Variants in LMO1 observed in about 807,000 individuals in gnomAD.
LMO1 encodes the protein LIM domain only 1.
In LMO1, 10 loss-of-function variants were observed where a neutral mutation model predicts 18.0. The observed-to-expected ratio is 0.55, with a 90% CI of 0.34 to 0.94. The LOEUF (loss-of-function observed/expected upper bound fraction) is 0.94, where lower values mean the gene tolerates loss of function less well. LMO1 is among the 40% of genes least tolerant of loss of function. The probability of loss-of-function intolerance (pLI) is 0.02; values close to 1 mark genes in which losing one functional copy is unlikely to be tolerated. For missense variants in LMO1, 183 were observed against 205.7 expected, an observed-to-expected ratio of 0.89 and a Z score of 0.68; for synonymous variants, 77 against 77.9, an observed-to-expected ratio of 0.99 and a Z score of 0.06.
intron 1 of LMO1, among the ~76,000 whole-genome samples, chr11:8,252,831 C>T (rs1029600935): frequency 1.3e-5 from 2 of 152,346 alleles, no homozygotes; most frequent in Middle Eastern, 6.8e-3. Context: ...GAGCAGAGAA[C>T]CAAGTAAAGA....
intron 1 of LMO1, among the ~76,000 whole-genome samples, chr11:8,238,287 T>C (rs1459685891): frequency 6.6e-6 from 1 of 152,226 alleles, no homozygotes; most frequent in Non-Finnish European, 1.5e-5. Flanking sequence ...TAATATTGAA[T>C]GAAAGAAGCT....
At chr11:8,227,902 C>T (rs775557671) in intron 2 of LMO1, among the ~76,000 whole-genome samples, 10 of 152,228 alleles carry the variant, frequency 6.6e-5, no homozygotes, top group Non-Finnish European at 1.5e-4. Context: ...CTCCTGGCCT[C>T]AACTGATCCT....
At chr11:8,238,880 T>G (rs78055504) in intron 1 of LMO1, among the ~76,000 whole-genome samples, 3,769 of 152,216 alleles carry the variant, frequency 0.025, 163 homozygotes, top group African/African-American at 0.086. Flanking sequence ...ATACCCAATT[T>G]AAAAACGGAG....
rs990138798 is a variant in LMO1 at position 8,224,483 on chromosome 11, C to T, written c.*133G>A. 48 of 629,410 alleles carry T rather than the reference C, an allele frequency of 7.6e-5. No homozygotes were observed. The highest frequency in any genetic ancestry group is 1.2e-4 in the Non-Finnish European group (44 of 353,100). The allele number at this position is 629,410 out of a possible 1,614,324, so 39.0% of individuals were successfully genotyped here. A position where few individuals can be genotyped will look rare whatever the true frequency, so the allele number is the denominator to read the frequency against. The stretch of plus-strand genomic sequence containing the variant: ...GAGGAGGAAGGGCCATCCCTCCCAT[C>T]GAGGACGGAGAAGTTCTAATGTGGC... On this transcript the variant is annotated 3_prime_UTR_variant, in exon 4 of 4. Transcript: ENST00000335790.
chr11:8,253,356 C>T (rs746373322), intron 1 of LMO1, among the ~76,000 whole-genome samples: 14 of 152,344 alleles, frequency 9.2e-5, no homozygotes, highest in Non-Finnish European at 1.8e-4. Flanking sequence ...CACCAGTCAT[C>T]TACAAGACTC....
chr11:8,258,450 C>T (rs1242595081), intron 1 of LMO1, among the ~76,000 whole-genome samples: 1 of 152,250 alleles, frequency 6.6e-6, no homozygotes, highest in Non-Finnish European at 1.5e-5. Flanking sequence ...TAGCCATGGC[C>T]ACTTCCCAAC....
At chr11:8,227,856 A>G (rs1952575716) in intron 2 of LMO1, among the ~76,000 whole-genome samples, 2 of 152,164 alleles carry the variant, frequency 1.3e-5, no homozygotes, top group Admixed American at 1.3e-4. Flanking sequence ...AAAAATAGAG[A>G]TGGGGTCTCA....
At chr11:8,266,886 G>A (rs1847266825), upstream of LMO1, among the ~76,000 whole-genome samples, 1 of 152,242 alleles carries the variant, frequency 6.6e-6, no homozygotes, top group South Asian at 2.1e-4. Flanking sequence ...GAGAGGTATT[G>A]GGGTGACGAG....
At chr11:8,234,838 A>G (rs900404503) in intron 1 of LMO1, among the ~76,000 whole-genome samples, 5 of 152,320 alleles carry the variant, frequency 3.3e-5, no homozygotes, top group African/African-American at 1.2e-4. Context: ...TACTCCAGGA[A>G]GAAACGCCTT....
chr11:8,261,198 G>A (rs1388787275), intron 1 of LMO1, among the ~76,000 whole-genome samples: 4 of 152,158 alleles, frequency 2.6e-5, no homozygotes, highest in Non-Finnish European at 5.9e-5. Flanking sequence ...ATGGACCCCA[G>A]AGCCCAGCAG....
chr11:8,234,924 A>G (rs1357088103), intron 1 of LMO1, among the ~76,000 whole-genome samples: 1 of 152,234 alleles, frequency 6.6e-6, no homozygotes, highest in Non-Finnish European at 1.5e-5. Flanking sequence ...AGACCTTGAA[A>G]TCAGGGAGCC....
intron 1 of LMO1, among the ~76,000 whole-genome samples, chr11:8,231,174 A>G (rs917219547): frequency 6.6e-6 from 1 of 152,070 alleles, no homozygotes; most frequent in African/African-American, 2.4e-5. Context: ...GGCCTGGGGG[A>G]GGGCAGGCTC....
At chr11:8,230,168 T>C in intron 2 of LMO1, 123 bp downstream of exon 2, 5 of 853,574 alleles carry the variant, frequency 5.9e-6, no homozygotes, top group Non-Finnish European at 7.5e-6. Flanking sequence ...GGCAGGACAG[T>C]CAAGAATGAG....
intron 1 of LMO1, among the ~76,000 whole-genome samples, chr11:8,244,816 C>T (rs547697710): frequency 3.7e-4 from 56 of 152,312 alleles, no homozygotes; most frequent in African/African-American, 1.3e-3. Flanking sequence ...TTTTCAGCAG[C>T]ACCAGGTCAG....
chr11:8,231,242 C>T (rs1194541736), intron 1 of LMO1, among the ~76,000 whole-genome samples: 1 of 152,238 alleles, frequency 6.6e-6, no homozygotes, highest in Non-Finnish European at 1.5e-5. Context: ...CCATCAGTCC[C>T]TCCCAGGGCC....
intron 1 of LMO1, among the ~76,000 whole-genome samples, chr11:8,251,512 C>A (rs1332487769): frequency 6.6e-6 from 1 of 152,200 alleles, no homozygotes; most frequent in Non-Finnish European, 1.5e-5. Flanking sequence ...ACCACCCTCA[C>A]CTCCTCTGCG....
intron 1 of LMO1, among the ~76,000 whole-genome samples, chr11:8,254,986 A>T (rs1847065428): frequency 6.6e-6 from 1 of 152,202 alleles, no homozygotes; most frequent in Non-Finnish European, 1.5e-5. Flanking sequence ...AAATGAGATT[A>T]TACATGGAAG....
chr11:8,258,113 G>T (rs1847127742), intron 1 of LMO1, among the ~76,000 whole-genome samples: 1 of 152,152 alleles, frequency 6.6e-6, no homozygotes, highest in Non-Finnish European at 1.5e-5. Flanking sequence ...GGACATATTG[G>T]ACCTACATAG....
intron 2 of LMO1, among the ~76,000 whole-genome samples, chr11:8,228,638 T>C (rs1952593467): frequency 7.0e-6 from 1 of 142,868 alleles, no homozygotes; most frequent in African/African-American, 2.7e-5. Flanking sequence ...AGTCACTCCT[T>C]GCCTCTGCCA....
Sources: allele counts gnomAD v4.1 joint callset (sites outside exome capture counted in the v4.1 genomes callset), GRCh38; gene constraint gnomAD v4.1.1; transcripts MANE v1.5; gene names NCBI Gene and HGNC (gene_info 2026-07-23, HGNC 2026-07-21).